PPP2R2B: variants seen among roughly 807,000 people sequenced by gnomAD.
PPP2R2B encodes serine/threonine-protein phosphatase 2A 55 kDa regulatory subunit B beta isoform.
In PPP2R2B, 5 loss-of-function variants were observed where a neutral mutation model predicts 46.0. The observed-to-expected ratio is 0.11, with a 90% confidence interval of 0.06 to 0.23. The LOEUF (loss-of-function observed/expected upper bound fraction) is 0.23, where lower values mean the gene tolerates loss of function less well. Among genes scored for constraint, PPP2R2B ranks in the 10% least tolerant of loss-of-function variants. The probability of loss-of-function intolerance (pLI) is 1.00; values close to 1 mark genes in which losing one functional copy is unlikely to be tolerated. For synonymous variants in PPP2R2B, 215 were observed against 206.7 expected (o/e 1.04, Z -0.34); for missense variants, 367 against 575.0 (o/e 0.64, Z 3.70).
rs1391863743 is a variant in PPP2R2B, at chr5:146,989,233, T to A, written c.79+66432A>T. Among the ~76,000 whole-genome samples the A allele has an allele frequency of 6.5e-3, 986 of 152,108 alleles. 7 individuals carry two copies. Among genetic ancestry groups the A allele is most frequent in the African/African-American group, 0.023 (942 of 41,534 alleles). On this transcript the variant is annotated intron_variant, in intron 1 of 8. Transcript: ENST00000336640. ...TTCCAAAAAGCTAAAGTGAACCGAATAGTTCCATATTCATTCTACAAGGCC... is the reference window on the plus strand; with the variant it reads ...TTCCAAAAAGCTAAAGTGAACCGAAAAGTTCCATATTCATTCTACAAGGCC...
chr5:146,972,466 C>G (rs1352433027), intron 1 of PPP2R2B, among the ~76,000 whole-genome samples: 1 of 152,102 alleles, frequency 6.6e-6, no homozygotes, highest in Non-Finnish European at 1.5e-5. Flanking sequence ...AATCTCAGCA[C>G]TTTGGGAGGC....
intron 2 of PPP2R2B, among the ~76,000 whole-genome samples, chr5:146,735,804 A>C (rs1752500396): frequency 6.6e-6 from 1 of 152,170 alleles, no homozygotes; most frequent in African/African-American, 2.4e-5. Flanking sequence ...ATCCTACCTG[A>C]TGACACTGGA....
At chr5:146,646,113 C>T (rs1775563796) in intron 6 of PPP2R2B, among the ~76,000 whole-genome samples, 1 of 152,196 alleles carries the variant, frequency 6.6e-6, no homozygotes, top group Non-Finnish European at 1.5e-5. Context: ...TAATTATATA[C>T]TCAGTGTATT....
chr5:146,855,241 G>A (rs1339744408), intron 2 of PPP2R2B, among the ~76,000 whole-genome samples: 1 of 152,124 alleles, frequency 6.6e-6, no homozygotes, highest in Non-Finnish European at 1.5e-5. Flanking sequence ...AGAGCAAAAG[G>A]TAATTTTTCA....
At chr5:146,838,002 G>C (rs1234680403) in intron 2 of PPP2R2B, among the ~76,000 whole-genome samples, 4 of 152,172 alleles carry the variant, frequency 2.6e-5, no homozygotes, top group Non-Finnish European at 5.9e-5. Flanking sequence ...ACTATTTTAA[G>C]AGTCCCTGGT....
intron 2 of PPP2R2B, among the ~76,000 whole-genome samples, chr5:146,741,870 G>A (rs1581997743): frequency 6.6e-6 from 1 of 152,172 alleles, no homozygotes; most frequent in South Asian, 2.1e-4. Context: ...TTGACAGATC[G>A]ATATTAGCCT....
chr5:146,726,692 T>A (rs1751889544), intron 2 of PPP2R2B, among the ~76,000 whole-genome samples: 1 of 152,222 alleles, frequency 6.6e-6, no homozygotes, highest in Non-Finnish European at 1.5e-5. Flanking sequence ...AGTCAATATC[T>A]TAACAACAAA....
chr5:146,594,151 G>A (rs537365701), intron 8 of PPP2R2B, among the ~76,000 whole-genome samples: 18 of 152,286 alleles, frequency 1.2e-4, no homozygotes, highest in Non-Finnish European at 7.4e-5. Context: ...TGGAGCTGTC[G>A]AGTAGACTCT....
intron 1 of PPP2R2B, among the ~76,000 whole-genome samples, chr5:147,018,483 A>G (rs1755114953): frequency 6.6e-6 from 1 of 152,186 alleles, no homozygotes; most frequent in Admixed American, 6.5e-5. Flanking sequence ...TTTTAAAAAC[A>G]CTTTTCCTTA....
intron 2 of PPP2R2B, among the ~76,000 whole-genome samples, chr5:146,821,970 AAC>A (rs1008121085): frequency 2.8e-4 from 42 of 152,348 alleles, no homozygotes; most frequent in Middle Eastern, 3.4e-3. Flanking sequence ...CTGTGTTCAG[AAC>A]ACACAGTGAA....
chr5:146,935,170 G>A (rs924573038), intron 1 of PPP2R2B, among the ~76,000 whole-genome samples: 3 of 152,126 alleles, frequency 2.0e-5, no homozygotes, highest in Non-Finnish European at 2.9e-5. Flanking sequence ...ATGATATTAC[G>A]AACTGGGGCC....
chr5:146,689,266 A>G (rs1014183564), intron 5 of PPP2R2B, among the ~76,000 whole-genome samples: 3 of 152,162 alleles, frequency 2.0e-5, no homozygotes, highest in Admixed American at 6.5e-5. Flanking sequence ...GACTATCATC[A>G]TCCCCGTTAT....
At chr5:146,839,463 T>C (rs1215179232) in intron 2 of PPP2R2B, among the ~76,000 whole-genome samples, 2 of 152,296 alleles carry the variant, frequency 1.3e-5, no homozygotes, top group Non-Finnish European at 1.5e-5. Context: ...GAGGTTGCAG[T>C]GAGCTGAGAT....
At chr5:146,932,549 C>G (rs138559716) in intron 1 of PPP2R2B, among the ~76,000 whole-genome samples, 60 of 152,304 alleles carry the variant, frequency 3.9e-4, no homozygotes, top group African/African-American at 1.4e-3. Context: ...CCTTTGCCTT[C>G]TGCCATGACT....
chr5:146,982,007 A>G (rs963767592), intron 1 of PPP2R2B, among the ~76,000 whole-genome samples: 4 of 152,108 alleles, frequency 2.6e-5, no homozygotes, highest in African/African-American at 4.8e-5. Context: ...CCTACTTCCA[A>G]TTTAGGACAA....
chr5:146,598,957 T>A (rs1309710400), intron 8 of PPP2R2B, among the ~76,000 whole-genome samples: 3 of 152,190 alleles, frequency 2.0e-5, no homozygotes, highest in Non-Finnish European at 4.4e-5. Flanking sequence ...TTGTGCACTT[T>A]GAAAGGCTGA....
At chr5:146,703,574 T>C (rs1019409807) in intron 2 of PPP2R2B, among the ~76,000 whole-genome samples, 22 of 152,152 alleles carry the variant, frequency 1.4e-4, no homozygotes, top group African/African-American at 5.1e-4. Flanking sequence ...CTTTTCCCAG[T>C]GTGAGCTCTT....
intron 1 of PPP2R2B, among the ~76,000 whole-genome samples, chr5:146,912,512 C>CTTTTTTT (rs58947506): frequency 2.1e-5 from 3 of 144,454 alleles, no homozygotes; most frequent in Non-Finnish European, 4.6e-5. Context: ...TTTCTTTTTT[C>CTTTTTTT]TTTTTTTTTT....
At chr5:146,923,142 T>A (rs1306976662) in intron 1 of PPP2R2B, among the ~76,000 whole-genome samples, 1 of 152,168 alleles carries the variant, frequency 6.6e-6, no homozygotes, top group Non-Finnish European at 1.5e-5. Flanking sequence ...GTTTAGCCGG[T>A]TTTGAGCCAG....
Sources: gnomAD v4.1 joint callset for allele counts (sites outside exome capture counted in the v4.1 genomes callset) on GRCh38, gnomAD v4.1.1 for gene constraint, MANE v1.5 for transcripts, NCBI Gene and HGNC (gene_info 2026-07-23, HGNC 2026-07-21) for gene names.